Variants in IL7 observed in about 807,000 individuals in gnomAD.
The protein encoded by IL7 is interleukin 7, also known as interleukin-7.
IL7 carries 3 observed loss-of-function variants against 21.6 expected under a neutral mutation model. The observed-to-expected ratio is 0.14, with a 90% CI of 0.06 to 0.36. The LOEUF (loss-of-function observed/expected upper bound fraction) is 0.36. Among genes scored for constraint, IL7 ranks in the 10% least tolerant of loss-of-function variants. The pLI, the probability that IL7 is intolerant of heterozygous loss-of-function variation, is 1.00. For missense variants in IL7, 175 were observed against 200.2 expected (o/e 0.87, Z 0.76); for synonymous variants, 62 against 68.1 (o/e 0.91, Z 0.44).
In IL7 at chr8:78,761,533, A is replaced by C. The variant is rs1812556113; in HGVS notation, c.148-21451T>G. ...CCAAAATTTCTGCATCAGCTTCATA[A>C]GGCAGGAAGCCTATAAATTCCTCTC... is the stretch of plus-strand genomic sequence containing the variant. On this transcript the variant is annotated intron_variant, in intron 2 of 5. Coordinates refer to ENST00000263851, the MANE Select transcript of IL7 (RefSeq NM_000880.4). 4.3e-6 allele frequency: 7 copies of C among 1,611,946 alleles called. No homozygotes were observed. The Admixed American group carries it at 6.7e-5, about 15-fold the overall frequency.
chr8:78,724,332 G>A (rs1811303910), intron 3 of IL7, among the ~76,000 whole-genome samples: 1 of 151,934 alleles, frequency 6.6e-6, no homozygotes, highest in South Asian at 2.1e-4. Flanking sequence ...TTGGGCTTGG[G>A]TGAATATATA....
rs1812821591 is a variant in IL7 at position 78,768,152 on chromosome 8, TC to T, written c.148-28071del. ...TCCATGGTGTATATGTGCCACATTTTCTTAATCCAGTCTATCATTGACGGAC... is the reference window on the plus strand; with the variant it reads ...TCCATGGTGTATATGTGCCACATTTTTTAATCCAGTCTATCATTGACGGAC... On this transcript the variant is annotated intron_variant, in intron 2 of 5. Coordinates refer to ENST00000263851, the MANE Select transcript of IL7 (RefSeq NM_000880.4). Among the ~76,000 whole-genome samples, 9 of 152,342 alleles carry T rather than the reference TC, an allele frequency of 5.9e-5. No homozygotes were observed. In the South Asian group the frequency reaches 1.9e-3, roughly 32 times the overall value.
chr8:78,718,770 C>T (rs1811179721), intron 6 of IL7: 1 of 151,758 alleles, frequency 6.6e-6, no homozygotes, highest in African/African-American at 2.4e-5. Context: ...AGTAGATTGC[C>T]TTGATGGCAG....
downstream of IL7, among the ~76,000 whole-genome samples, chr8:78,730,209 C>A (rs1228023383): frequency 1.3e-5 from 2 of 151,954 alleles, no homozygotes; most frequent in Non-Finnish European, 2.9e-5. Flanking sequence ...AAATGTACTT[C>A]ATTCTTACCA....
intron 3 of IL7, among the ~76,000 whole-genome samples, chr8:78,726,358 G>C (rs1811340725): frequency 6.6e-6 from 1 of 151,980 alleles, no homozygotes; most frequent in Non-Finnish European, 1.5e-5. Context: ...CACAGGCTCT[G>C]TGGTGAGAGC....
At chr8:78,757,831 A>G (rs1041442617) in intron 2 of IL7, among the ~76,000 whole-genome samples, 2 of 152,052 alleles carry the variant, frequency 1.3e-5, no homozygotes, top group Non-Finnish European at 2.9e-5. Context: ...TGTAGCTCCC[A>G]TAATTCCCAT....
At chr8:78,804,821 G>T in intron 1 of IL7, 92 bp downstream of exon 1, 4 of 1,464,162 alleles carry the variant, frequency 2.7e-6, no homozygotes, top group Non-Finnish European at 3.8e-6. Context: ...GCTATTCCCG[G>T]ACTTGCCTAG....
chr8:78,722,347 G>C (rs190789773), intron 3 of IL7, among the ~76,000 whole-genome samples: 2 of 151,830 alleles, frequency 1.3e-5, no homozygotes, highest in East Asian at 3.9e-4. Context: ...TAATTTTAAC[G>C]AAATTATTTT....
chr8:78,689,522 C>A, intron 3 of IL7: 2 of 664,724 alleles, frequency 3.0e-6, no homozygotes, highest in Non-Finnish European at 2.2e-6. Flanking sequence ...AAGTTGTATG[C>A]TTTTAGCTCT....
chr8:78,783,175 G>A (rs1289749503), intron 2 of IL7, among the ~76,000 whole-genome samples: 3 of 152,146 alleles, frequency 2.0e-5, no homozygotes, highest in Non-Finnish European at 4.4e-5. Flanking sequence ...GCAGACCCCA[G>A]CCCAGTGGCC....
chr8:78,765,556 G>A (rs1422882047), intron 2 of IL7, among the ~76,000 whole-genome samples: 1 of 152,026 alleles, frequency 6.6e-6, no homozygotes, highest in Non-Finnish European at 1.5e-5. Context: ...AAGATACACA[G>A]ATAGCAAATA....
chr8:78,735,458 G>A (rs1337611967), intron 5 of IL7, among the ~76,000 whole-genome samples: 2 of 151,424 alleles, frequency 1.3e-5, no homozygotes, highest in African/African-American at 2.4e-5. Flanking sequence ...GACTACAGGC[G>A]TGCACCACGC....
intron 2 of IL7, among the ~76,000 whole-genome samples, chr8:78,783,596 T>C (rs774235897): frequency 1.3e-5 from 2 of 152,124 alleles, no homozygotes; most frequent in Non-Finnish European, 2.9e-5. Context: ...TTATATACCA[T>C]CCTACAAGCA....
chr8:78,733,289 A>G lies in IL7; in HGVS notation c.*424T>C, dbSNP rs1204111626. 5 of 161,028 alleles carry G rather than the reference A, an allele frequency of 3.1e-5. No individual in the cohort carries two copies. The highest frequency in any genetic ancestry group is 6.5e-5 in the Admixed American group (1 of 15,370). 10.0% of individuals were successfully genotyped at this position (161,028 alleles called of 1,614,324 possible). On this transcript the variant is annotated 3_prime_UTR_variant, in exon 6 of 6. Transcript: ENST00000263851. ...AGAAGACAATTTTCACTCTTAATAC[A>G]GTATAATAGATTCATAGTGAGCCAT...
chr8:78,751,392 C>G (rs984378825), intron 2 of IL7, among the ~76,000 whole-genome samples: 1 of 152,164 alleles, frequency 6.6e-6, no homozygotes, highest in Non-Finnish European at 1.5e-5. Context: ...ATTATGTACT[C>G]TGTGAATTTA....
chr8:78,702,048 G>A (rs541549842), intron 3 of IL7, among the ~76,000 whole-genome samples: 1 of 152,202 alleles, frequency 6.6e-6, no homozygotes, highest in South Asian at 2.1e-4. Context: ...AGTAGGAATT[G>A]TACCAGTTCT....
intron 4 of IL7, among the ~76,000 whole-genome samples, chr8:78,678,261 T>C (rs1809646216): frequency 6.6e-6 from 1 of 152,154 alleles, no homozygotes; most frequent in Non-Finnish European, 1.5e-5. Flanking sequence ...TTGTTCTCTT[T>C]CACACACTTC....
chr8:78,803,622 C>T (rs1297414246), intron 1 of IL7, among the ~76,000 whole-genome samples: 1 of 152,132 alleles, frequency 6.6e-6, no homozygotes, highest in East Asian at 1.9e-4. Context: ...AAAATGCACA[C>T]GCTAGCTTCC....
At chr8:78,745,411 T>C (rs1209646562) in intron 2 of IL7, among the ~76,000 whole-genome samples, 1 of 152,192 alleles carries the variant, frequency 6.6e-6, no homozygotes, top group Non-Finnish European at 1.5e-5. Flanking sequence ...TTCTGGTTTT[T>C]ATTTTAGTCT....
Sources: gnomAD v4.1 joint callset for allele counts (sites outside exome capture counted in the v4.1 genomes callset) on GRCh38, gnomAD v4.1.1 for gene constraint, MANE v1.5 for transcripts, NCBI Gene and HGNC (gene_info 2026-07-23, HGNC 2026-07-21) for gene names.